Variants in LRBA observed in about 807,000 individuals in gnomAD.
LRBA encodes LPS responsive beige-like anchor protein.
Under a neutral mutation model 330.0 loss-of-function variants are expected in LRBA, and 176 were observed. The ratio of observed to expected loss-of-function variants is 0.53; its 90% CI spans 0.47 to 0.60. The LOEUF (loss-of-function observed/expected upper bound fraction) is 0.60. Ranked by LOEUF, LRBA falls within the 20% of genes least tolerant of loss-of-function variation. The pLI, the probability that LRBA is intolerant of heterozygous loss-of-function variation, is 0.00. For synonymous variants in LRBA, 1,230 were observed against 1,193.0 expected (o/e 1.03, Z -0.64); for missense variants, 3,259 against 3,444.8 (o/e 0.95, Z 1.35).
At chr4:150,878,633 A>C (rs1728016174) in intron 17 of LRBA, among the ~76,000 whole-genome samples, 1 of 152,014 alleles carries the variant, frequency 6.6e-6, no homozygotes, top group African/African-American at 2.4e-5. Flanking sequence ...ACATACAAGC[A>C]CAATCAGAAA....
chr4:150,831,821 G>C lies in LRBA; in HGVS notation c.4725C>G (p.Leu1575=), dbSNP rs1030328620. 17 of 1,588,436 alleles carry C rather than the reference G, an allele frequency of 1.1e-5. No homozygotes were observed. The highest frequency in any genetic ancestry group is 1.4e-5 in the Non-Finnish European group (16 of 1,167,478). Residue 1575 remains leucine (L), a synonymous_variant, in exon 29 of 57, where the codon CTC becomes CTG. Coordinates refer to ENST00000651943, the MANE Select transcript of LRBA (RefSeq NM_001364905.1). The part of the protein sequence containing the change: ...ETGSENENVS[L]SEITPAAFST... ...GAATAGAAAATGCAAACTTACCAGA[G>C]AGTGATACATTCTCATTTTCACTGC...
intron 47 of LRBA, among the ~76,000 whole-genome samples, chr4:150,350,390 C>T (rs771152750): frequency 7.9e-5 from 12 of 151,936 alleles, no homozygotes; most frequent in South Asian, 4.2e-4. Context: ...GCCAACATGG[C>T]GAAACCCGGT....
At chr4:150,870,660 A>G in intron 19 of LRBA, 54 bp from the exon 20 acceptor site, 1 of 828,850 alleles carries the variant, frequency 1.2e-6, no homozygotes. Context: ...TAGCATCACT[A>G]TTAATGAACT....
chr4:150,684,883 C>T lies in LRBA; in HGVS notation c.5755-1166G>A, dbSNP rs144286395. Among the ~76,000 whole-genome samples the T allele has an allele frequency of 5.8e-4, 88 of 152,240 alleles. 2 individuals carry two copies. The highest frequency in any genetic ancestry group is 5.6e-3 in the South Asian group (27 of 4,820). On this transcript the variant is annotated intron_variant, in intron 36 of 56. Transcript: ENST00000651943. ...TACCAGTTTCGATAGATTGCTGCCA[C>T]GCACTACTCCCACCACCACCCCAGC... is the stretch of plus-strand genomic sequence containing the variant.
chr4:150,555,760 C>G (rs1767233622), intron 40 of LRBA, among the ~76,000 whole-genome samples: 1 of 149,664 alleles, frequency 6.7e-6, no homozygotes, highest in Admixed American at 6.6e-5. Context: ...TATAAAAACA[C>G]ACACACACAC....
intron 48 of LRBA, among the ~76,000 whole-genome samples, chr4:150,327,948 A>C (rs1733503037): frequency 6.6e-6 from 1 of 152,250 alleles, no homozygotes; most frequent in African/African-American, 2.4e-5. Context: ...AAGAGCCTAG[A>C]GACAGAGAGA....
intron 48 of LRBA, among the ~76,000 whole-genome samples, chr4:150,338,741 G>A (rs967711851): frequency 6.6e-6 from 1 of 152,130 alleles, no homozygotes; most frequent in Non-Finnish European, 1.5e-5. Flanking sequence ...AGGACAATGA[G>A]TTCTGTAGCA....
chr4:150,637,059 T>A (rs1022968869), intron 37 of LRBA, among the ~76,000 whole-genome samples: 3 of 152,192 alleles, frequency 2.0e-5, no homozygotes, highest in Non-Finnish European at 2.9e-5. Flanking sequence ...CTTCTTTTCA[T>A]CTTACGTGTA....
chr4:150,357,295 G>A (rs531603538), intron 47 of LRBA, among the ~76,000 whole-genome samples: 4 of 152,038 alleles, frequency 2.6e-5, no homozygotes, highest in Admixed American at 6.6e-5. Context: ...TTGTTATTGT[G>A]TAGTTTTAAA....
chr4:150,769,643 C>T (rs1736284075), intron 34 of LRBA, among the ~76,000 whole-genome samples: 1 of 152,126 alleles, frequency 6.6e-6, no homozygotes, highest in Admixed American at 6.5e-5. Context: ...ACAGGGAGGG[C>T]AATCTTTTTT....
At chr4:150,563,320 G>C (rs1201631523) in intron 40 of LRBA, among the ~76,000 whole-genome samples, 3 of 152,110 alleles carry the variant, frequency 2.0e-5, no homozygotes, top group African/African-American at 2.4e-5. Flanking sequence ...TATCTCAATA[G>C]ATGAAGAAAA....
At chr4:150,845,192 C>A (rs1002462070) in intron 26 of LRBA, among the ~76,000 whole-genome samples, 4 of 152,060 alleles carry the variant, frequency 2.6e-5, no homozygotes, top group Non-Finnish European at 5.9e-5. Context: ...ATGAACTAGT[C>A]GAGGTAACAA....
intron 4 of LRBA, among the ~76,000 whole-genome samples, chr4:150,922,518 T>C (rs564564056): frequency 6.6e-6 from 1 of 151,892 alleles, no homozygotes; most frequent in Non-Finnish European, 1.5e-5. Context: ...AACTCAGGAA[T>C]GGAAAACCAA....
chr4:150,722,806 G>T (rs528008020), intron 36 of LRBA, among the ~76,000 whole-genome samples: 1 of 152,026 alleles, frequency 6.6e-6, no homozygotes, highest in African/African-American at 2.4e-5. Context: ...GAGGCATTGA[G>T]GGGGGCAGGA....
At chr4:150,916,772 G>T in intron 5 of LRBA, 34 bp from the exon 6 acceptor site, 3 of 1,481,860 alleles carry the variant, frequency 2.0e-6, no homozygotes, top group Non-Finnish European at 2.7e-6. Flanking sequence ...ATTAACTCAC[G>T]TGAAAACCTG....
rs138286364 is a variant in LRBA at position 150,844,612 on chromosome 4, A to G, written c.4461+46T>C. 5,055 of 1,524,334 alleles carry G rather than the reference A, an allele frequency of 3.3e-3. 8 individuals are homozygous for G. The highest frequency in any genetic ancestry group is 4.1e-3 in the Non-Finnish European group (4,577 of 1,122,984). 94.4% of individuals were successfully genotyped at this position (1,524,334 alleles called of 1,614,324 possible). A position where few individuals can be genotyped will look rare whatever the true frequency, so the allele number is the denominator to read the frequency against. On this transcript the variant is annotated intron_variant, in intron 27 of 56. Coordinates refer to ENST00000651943, the MANE Select transcript of LRBA (RefSeq NM_001364905.1). ...ATGAACAAATAAAAATCTTAATTGTAAAATAGGAGTATGCTTTTTGAAAAT... is the reference window on the plus strand; with the variant it reads ...ATGAACAAATAAAAATCTTAATTGTGAAATAGGAGTATGCTTTTTGAAAAT...
At chr4:150,938,030 C>T (rs1168076585) in intron 2 of LRBA, among the ~76,000 whole-genome samples, 1 of 148,936 alleles carries the variant, frequency 6.7e-6, no homozygotes, top group East Asian at 2.0e-4. Context: ...TCACTGGAAA[C>T]TTGCTAAATT....
At chr4:150,751,960 C>A (rs940767269) in intron 35 of LRBA, among the ~76,000 whole-genome samples, 9 of 152,204 alleles carry the variant, frequency 5.9e-5, no homozygotes, top group African/African-American at 2.2e-4. Flanking sequence ...TTTCTGTGAC[C>A]CCCATTAGCA....
intron 44 of LRBA, among the ~76,000 whole-genome samples, chr4:150,438,136 T>C (rs2151998266): frequency 6.6e-6 from 1 of 152,310 alleles, no homozygotes; most frequent in Middle Eastern, 3.4e-3. Flanking sequence ...GTATTCAAAA[T>C]GTTAAGTACC....
Sources: allele counts gnomAD v4.1 joint callset (sites outside exome capture counted in the v4.1 genomes callset), GRCh38; gene constraint gnomAD v4.1.1; transcripts MANE v1.5; gene names NCBI Gene and HGNC (gene_info 2026-07-23, HGNC 2026-07-21).